The following CMC1 variants were observed in gnomAD, a reference collection of about 807,000 sequenced individuals.
CMC1 encodes C-X9-C motif containing 1, also known as COX assembly mitochondrial protein homolog.
In CMC1, 14 loss-of-function variants were observed where a neutral mutation model predicts 14.1. The observed-to-expected ratio is 0.99, with a 90% CI of 0.66 to 1.55. The LOEUF is 1.55. Ranked by LOEUF, CMC1 falls within the 40% of genes most tolerant of loss-of-function variation. The pLI is 0.00. For synonymous variants in CMC1, 50 were observed against 38.4 expected, an observed-to-expected ratio of 1.30 and a Z score of -1.12; for missense variants, 127 against 123.8, an observed-to-expected ratio of 1.03 and a Z score of -0.12.
At chr3:28,285,698 A>C (rs1277239577) in intron 2 of CMC1, among the ~76,000 whole-genome samples, 2 of 151,620 alleles carry the variant, frequency 1.3e-5, no homozygotes, top group East Asian at 1.9e-4. Context: ...AAAAAAAAAA[A>C]CCCATGACTT....
At chr3:28,248,889 G>A (rs754251180) in intron 1 of CMC1, among the ~76,000 whole-genome samples, 4 of 151,940 alleles carry the variant, frequency 2.6e-5, no homozygotes, top group African/African-American at 9.7e-5. Flanking sequence ...TCCTGGGTTT[G>A]TGCCATTCTT....
intron 1 of CMC1, among the ~76,000 whole-genome samples, chr3:28,253,107 G>T (rs1699213938): frequency 6.6e-6 from 1 of 152,152 alleles, no homozygotes; most frequent in South Asian, 2.1e-4. Context: ...CTGGCAAGAG[G>T]AATATCTGGT....
At chr3:28,317,270 TTA>T (rs1258803960) in intron 3 of CMC1, 1 of 152,050 alleles carries the variant, frequency 6.6e-6, no homozygotes, top group African/African-American at 2.4e-5. Flanking sequence ...GGAAAAGACT[TTA>T]GAGATTATGT....
At chr3:28,246,094 TGCCTG>T (rs1349639599) in intron 1 of CMC1, among the ~76,000 whole-genome samples, 3 of 151,946 alleles carry the variant, frequency 2.0e-5, no homozygotes, top group Non-Finnish European at 2.9e-5. Context: ...TAAGCCACCC[TGCCTG>T]GCCTATAAGA....
intron 1 of CMC1, among the ~76,000 whole-genome samples, chr3:28,262,323 T>A (rs1699773593): frequency 6.6e-6 from 1 of 152,112 alleles, no homozygotes; most frequent in Non-Finnish European, 1.5e-5. Flanking sequence ...CCTCAGTATA[T>A]TTATTATACT....
At chr3:28,243,057 C>A (rs1559393328) in intron 1 of CMC1, among the ~76,000 whole-genome samples, 1 of 148,906 alleles carries the variant, frequency 6.7e-6, no homozygotes, top group East Asian at 2.0e-4. Context: ...TTTATGGTAT[C>A]TTTTTTTTTT....
At chr3:28,302,946 G>C (rs570145041) in intron 2 of CMC1, among the ~76,000 whole-genome samples, 2 of 152,266 alleles carry the variant, frequency 1.3e-5, no homozygotes, top group East Asian at 3.9e-4. Context: ...GAATAAGTGA[G>C]ATCCAATAGT....
chr3:28,309,792 C>T (rs1702526737), intron 2 of CMC1, among the ~76,000 whole-genome samples: 2 of 150,802 alleles, frequency 1.3e-5, no homozygotes, highest in South Asian at 4.2e-4. Context: ...GTATTTGGTA[C>T]ATGCCTTTTC....
intron 1 of CMC1, chr3:28,253,635 A>C: frequency 4.8e-6 from 3 of 620,432 alleles, no homozygotes; most frequent in Non-Finnish European, 7.4e-6. Flanking sequence ...CCAAAAAGCT[A>C]AACAAACAAA....
chr3:28,318,980 A>G (rs1241520638), intron 3 of CMC1: 1 of 236,020 alleles, frequency 4.2e-6, no homozygotes, highest in Non-Finnish European at 8.6e-6. Context: ...TGCCCATTCC[A>G]TCTTCATTTC....
chr3:28,241,707 G>T lies in CMC1; in HGVS notation c.-87G>T. ...CGGGAAGCTCCCGGGGGTCGCACGT[G>T]CGTCCGAGCCCAAGCCCCTCCCCTC... On this transcript the variant is annotated 5_prime_UTR_variant, in exon 1 of 4. Transcript: ENST00000466830. 1 of 1,238,082 alleles carries T rather than the reference G, an allele frequency of 8.1e-7. No homozygotes were observed. Among genetic ancestry groups the T allele is most frequent in the Non-Finnish European group, 1.0e-6 (1 of 987,906 alleles). 76.7% of individuals were successfully genotyped at this position (1,238,082 alleles called of 1,614,324 possible). A position where few individuals can be genotyped will look rare whatever the true frequency, so the allele number is the denominator to read the frequency against.
intron 2 of CMC1, among the ~76,000 whole-genome samples, chr3:28,307,534 G>T (rs1702390030): frequency 6.6e-6 from 1 of 152,106 alleles, no homozygotes; most frequent in Non-Finnish European, 1.5e-5. Context: ...TCACGCATCA[G>T]TTCCTGATTT....
At chr3:28,267,481 C>A (rs1474087433) in intron 2 of CMC1, among the ~76,000 whole-genome samples, 1 of 152,168 alleles carries the variant, frequency 6.6e-6, no homozygotes, top group Non-Finnish European at 1.5e-5. Flanking sequence ...TATTCTCTTA[C>A]TGACTCCTTT....
intron 2 of CMC1, among the ~76,000 whole-genome samples, chr3:28,299,825 A>T (rs1701932542): frequency 6.6e-6 from 1 of 152,152 alleles, no homozygotes; most frequent in Non-Finnish European, 1.5e-5. Context: ...TTCAGAAATA[A>T]AAATAGAGTC....
intron 2 of CMC1, among the ~76,000 whole-genome samples, chr3:28,287,837 A>C (rs939402986): frequency 1.3e-5 from 2 of 151,862 alleles, no homozygotes; most frequent in Non-Finnish European, 2.9e-5. Context: ...TTTATGTGTT[A>C]TTTTACACTC....
In CMC1 at chr3:28,324,192, A is replaced by G; in HGVS notation, c.*4563A>G. The G allele has an allele frequency of 6.2e-7, 1 of 1,610,782 alleles. No individual in the cohort carries two copies. Among genetic ancestry groups the G allele is most frequent in the Non-Finnish European group, 8.5e-7 (1 of 1,177,674 alleles). ...GAAATACCCAGGAATTGTCTTCCAGAGAATTTCTGCCATAAGAACTGTGTT... is the reference window on the plus strand; with the variant it reads ...GAAATACCCAGGAATTGTCTTCCAGGGAATTTCTGCCATAAGAACTGTGTT... On this transcript the variant is annotated 3_prime_UTR_variant, in exon 4 of 4. Coordinates refer to ENST00000466830, the MANE Select transcript of CMC1 (RefSeq NM_182523.2).
intron 2 of CMC1, among the ~76,000 whole-genome samples, chr3:28,299,105 G>T (rs1701892619): frequency 6.6e-6 from 1 of 152,006 alleles, no homozygotes; most frequent in Non-Finnish European, 1.5e-5. Context: ...CCCTGTGTAA[G>T]ATATATTTAA....
chr3:28,285,000 T>C (rs893390181), intron 2 of CMC1, among the ~76,000 whole-genome samples: 4 of 152,216 alleles, frequency 2.6e-5, no homozygotes, highest in African/African-American at 9.6e-5. Context: ...CTTCCTACTC[T>C]GTGTTCCATC....
rs756173093 is a variant in CMC1 at position 28,324,132 on chromosome 3, C to T, written c.*4503C>T. 3 of 1,610,312 alleles carry T rather than the reference C, an allele frequency of 1.9e-6. No individual in the cohort carries two copies. The highest frequency in any genetic ancestry group is 2.2e-5 in the East Asian group (1 of 44,782). On this transcript the variant is annotated 3_prime_UTR_variant, in exon 4 of 4. Transcript: ENST00000466830. ...AAGGCAAAGTTTTAGTTTTAGTTTC[C>T]CCAAATGCTGTCTCACTTGATTTAG...
Sources: allele counts gnomAD v4.1 joint callset (sites outside exome capture counted in the v4.1 genomes callset), GRCh38; gene constraint gnomAD v4.1.1; transcripts MANE v1.5; gene names NCBI Gene and HGNC (gene_info 2026-07-23, HGNC 2026-07-21).